Variants in PKHD1 observed in about 807,000 individuals in gnomAD.
PKHD1 encodes PKHD1 ciliary IPT domain containing fibrocystin/polyductin, also known as fibrocystin.
A neutral mutation model predicts 412.0 loss-of-function variants in PKHD1; 291 were observed. The observed-to-expected ratio is 0.71, with a 90% CI of 0.64 to 0.78. The LOEUF (loss-of-function observed/expected upper bound fraction) is 0.78, where lower values mean the gene tolerates loss of function less well. Ranked by LOEUF, PKHD1 falls within the 30% of genes least tolerant of loss-of-function variation. PKHD1 has a pLI of 0.00. For synonymous variants in PKHD1, 1,777 were observed against 1,821.5 expected, an observed-to-expected ratio of 0.98 and a Z score of 0.62; for missense variants, 4,825 against 4,950.7, an observed-to-expected ratio of 0.97 and a Z score of 0.76.
Position 51,753,349 on chromosome 6 carries a change from A to G in PKHD1, c.8802T>C (p.Ser2934=), listed in dbSNP as rs1418482955. ...GTCGGCCATCCTCCGTGACATGTACACTTCCTGGGGCAATAGGAGTTGTGG... is the reference window on the plus strand; with the variant it reads ...GTCGGCCATCCTCCGTGACATGTACGCTTCCTGGGGCAATAGGAGTTGTGG... The part of the protein sequence containing the change: ...YERLKHRHIG[S]VHVTEDGRHI... The change falls in exon 57 of 67, where the codon AGT becomes AGC. Residue 2934 remains serine, a synonymous_variant. Transcript: ENST00000371117. The G allele has an allele frequency of 1.9e-6, 3 of 1,613,352 alleles. No homozygotes were observed. Among genetic ancestry groups the G allele is most frequent in the Non-Finnish European group, 2.5e-6 (3 of 1,179,608 alleles).
At position 52,024,670 on chromosome 6, in the gene PKHD1, A is replaced by T; in HGVS notation, c.5140T>A (p.Tyr1714Asn). The T allele has an allele frequency of 5.6e-6, 9 of 1,614,016 alleles. No individual in the cohort carries two copies. The highest frequency in any genetic ancestry group is 7.6e-6 in the Non-Finnish European group (9 of 1,179,950). Residue 1714 changes from tyrosine to asparagine, a missense_variant, in exon 32 of 67, where the codon TAC becomes AAC. By Grantham distance (143) the Tyr-to-Asn change is moderately radical. Coordinates refer to ENST00000371117, the MANE Select transcript of PKHD1 (RefSeq NM_138694.4). ...ATGCAGTCATAGCCTCTGACGTGGT[A>T]CTCCCCGGCCGGAAGGGAAGGGACC... ...CVVPSLPAGE[Y>N]HVRGYDCIRG... is the part of the protein sequence containing the mutation.
chr6:52,057,780 TTAC>T (rs1808006312), intron 16 of PKHD1, among the ~76,000 whole-genome samples: 1 of 152,200 alleles, frequency 6.6e-6, no homozygotes, highest in Non-Finnish European at 1.5e-5. Context: ...TGCACATGTT[TTAC>T]TTTTAGACTG....
At chr6:51,734,653 G>A (rs1055214409) in intron 60 of PKHD1, among the ~76,000 whole-genome samples, 24 of 151,870 alleles carry the variant, frequency 1.6e-4, no homozygotes, top group African/African-American at 5.6e-4. Context: ...CTGCATCAGT[G>A]GATTTGATCA....
intron 51 of PKHD1, among the ~76,000 whole-genome samples, chr6:51,834,588 A>C (rs1322331463): frequency 6.6e-6 from 1 of 152,170 alleles, no homozygotes; most frequent in African/African-American, 2.4e-5. Flanking sequence ...CGATATTGCA[A>C]TAATTTTACT....
chr6:52,055,838 C>T, intron 18 of PKHD1, 109 bp from the exon 19 acceptor site: 1 of 1,152,522 alleles, frequency 8.7e-7, no homozygotes, highest in Non-Finnish European at 1.2e-6. Context: ...AAGAAAACCC[C>T]CGTTCTAACC....
chr6:52,014,128 G>A (rs1338163433), intron 34 of PKHD1, among the ~76,000 whole-genome samples: 2 of 152,188 alleles, frequency 1.3e-5, no homozygotes, highest in African/African-American at 4.8e-5. Context: ...GAGCTCATCT[G>A]GGGCCACTTT....
At chr6:52,022,776 A>G (rs1801586049) in intron 33 of PKHD1, 25 bp downstream of exon 33, 1 of 1,610,772 alleles carries the variant, frequency 6.2e-7, no homozygotes, top group Non-Finnish European at 8.5e-7. Flanking sequence ...GCTTTAAAAT[A>G]TATGTGTGTG....
intron 29 of PKHD1, among the ~76,000 whole-genome samples, chr6:52,030,771 C>T (rs1356771423): frequency 6.6e-6 from 1 of 152,132 alleles, no homozygotes; most frequent in Non-Finnish European, 1.5e-5. Flanking sequence ...GCTCCAAAGG[C>T]ATCAGCGGCT....
At chr6:51,810,843 A>G (rs1764580303) in intron 52 of PKHD1, among the ~76,000 whole-genome samples, 1 of 152,234 alleles carries the variant, frequency 6.6e-6, no homozygotes, top group Non-Finnish European at 1.5e-5. Context: ...CCTCATTATT[A>G]TAAAAAGAAA....
intron 52 of PKHD1, among the ~76,000 whole-genome samples, chr6:51,809,283 C>T (rs1764322952): frequency 6.6e-6 from 1 of 151,978 alleles, no homozygotes; most frequent in Admixed American, 6.6e-5. Context: ...TGTGGGTAGA[C>T]AACTATTCCA....
intron 5 of PKHD1, among the ~76,000 whole-genome samples, 186 bp downstream of exon 5, chr6:52,079,714 G>A (rs1811779039): frequency 6.6e-6 from 1 of 152,110 alleles, no homozygotes. Flanking sequence ...TTAGCTAAAG[G>A]CTGACATACA....
intron 20 of PKHD1, 142 bp downstream of exon 20, chr6:52,053,896 A>T (rs1369495053): frequency 4.7e-6 from 4 of 851,872 alleles, no homozygotes; most frequent in East Asian, 5.3e-5. Context: ...TTTTTTGTCA[A>T]ATAAAATATA....
At chr6:51,819,590 C>G (rs912036996) in intron 52 of PKHD1, among the ~76,000 whole-genome samples, 5 of 152,172 alleles carry the variant, frequency 3.3e-5, no homozygotes, top group African/African-American at 1.2e-4. Flanking sequence ...CATGCAATTA[C>G]ATTTCTATCT....
At chr6:52,050,741 G>A (rs58567260) in intron 21 of PKHD1, among the ~76,000 whole-genome samples, 47,594 of 152,026 alleles carry the variant, frequency 0.31, 7,905 homozygotes, top group East Asian at 0.43. Context: ...TTTATCCACA[G>A]TGTGGAGCCA....
At chr6:51,989,637 T>A (rs1215257128) in intron 35 of PKHD1, among the ~76,000 whole-genome samples, 2 of 151,990 alleles carry the variant, frequency 1.3e-5, no homozygotes, top group African/African-American at 2.4e-5. Context: ...TTTGTTATTA[T>A]TTTTCACTCG....
intron 35 of PKHD1, chr6:51,975,969 A>AC (rs1794371488): frequency 6.8e-6 from 1 of 146,340 alleles, no homozygotes; most frequent in Non-Finnish European, 1.5e-5. Context: ...TAATTAAAAA[A>AC]AAAAAAAAAA....
chr6:51,616,545 G>A lies in PKHD1; in HGVS notation c.*2536C>T, dbSNP rs923659880. On this transcript the variant is annotated 3_prime_UTR_variant, in exon 67 of 67. Transcript: ENST00000371117. The stretch of plus-strand genomic sequence containing the variant: ...TTCTCTCATTTTTTTTTTTTTTTAG[G>A]AGAAAGAGGAGTAGCTTAACTATGG... 7.8e-6 allele frequency: 3 copies of A among 386,178 alleles called. No homozygotes were observed. Among genetic ancestry groups the A allele is most frequent in the African/African-American group, 2.1e-5 (1 of 47,410 alleles). 23.9% of individuals were successfully genotyped at this position (386,178 alleles called of 1,614,324 possible). A position where few individuals can be genotyped will look rare whatever the true frequency, so the allele number is the denominator to read the frequency against.
Position 51,960,724 on chromosome 6 carries a change from G to T in PKHD1, c.5752-698C>A, listed in dbSNP as rs1791900558. 2.6e-5 allele frequency among the ~76,000 whole-genome samples: 4 copies of T among 152,128 alleles called. No homozygotes were observed. In the South Asian group the frequency reaches 8.3e-4, roughly 32 times the overall value. ...ACTTCAGATGACAAGTAAATAGTCT[G>T]GAACATTTGAGTGAGGGGTAGGGAG... On this transcript the variant is annotated intron_variant, in intron 35 of 66. Transcript: ENST00000371117.
rs1290411516 is a variant in PKHD1 at position 52,087,595 on chromosome 6, C to T, written c.-246G>A. 3 of 152,190 alleles carry T rather than the reference C, an allele frequency of 2.0e-5. No homozygotes were observed. The highest frequency in any genetic ancestry group is 4.8e-5 in the African/African-American group (2 of 41,450). The allele number at this position is 152,190 out of a possible 1,614,324, so 9.4% of individuals were successfully genotyped here. A position where few individuals can be genotyped will look rare whatever the true frequency, so the allele number is the denominator to read the frequency against. On this transcript the variant is annotated 5_prime_UTR_variant, in exon 1 of 67. Coordinates refer to ENST00000371117, the MANE Select transcript of PKHD1 (RefSeq NM_138694.4). ...AACTCACTCACGTTAGACTATAACT[C>T]ACCTAACTCGTTTGTGTCCCAGCCA...
Sources: allele counts gnomAD v4.1 joint callset (sites outside exome capture counted in the v4.1 genomes callset), GRCh38; gene constraint gnomAD v4.1.1; transcripts MANE v1.5; gene names NCBI Gene and HGNC (gene_info 2026-07-23, HGNC 2026-07-21).